The following HECA variants were observed in gnomAD, a reference collection of about 807,000 sequenced individuals.
HECA encodes headcase protein homolog.
A neutral mutation model predicts 37.6 loss-of-function variants in HECA; 13 were observed. That is an observed-to-expected ratio of 0.35 (90% CI 0.23 to 0.55). The LOEUF is 0.55. HECA is among the 20% of genes least tolerant of loss of function. HECA has a pLI of 0.90. For missense variants in HECA, 527 were observed against 701.9 expected, an observed-to-expected ratio of 0.75 and a Z score of 2.82; for synonymous variants, 307 against 291.5, an observed-to-expected ratio of 1.05 and a Z score of -0.54.
In HECA at chr6:139,176,562, C is replaced by T. The variant is rs986531120; in HGVS notation, c.1468-379C>T. On this transcript the variant is annotated intron_variant, in intron 3 of 3. Coordinates refer to ENST00000367658, the MANE Select transcript of HECA (RefSeq NM_016217.3). This position sits in a 1 kb window ranked among gnomAD's most constrained non-coding sequence, Gnocchi z 4.5. ...AATTTTATTTTTACATCAAAGAAAA[C>T]GCAACTTTTCTATAGAGTAGAATGA... is the stretch of plus-strand genomic sequence containing the variant. 4.6e-5 allele frequency among the ~76,000 whole-genome samples: 7 copies of T among 152,032 alleles called. No homozygotes were observed. Among genetic ancestry groups the T allele is most frequent in the Admixed American group, 6.5e-5 (1 of 15,272 alleles).
At chr6:139,174,954 A>G (rs1775031150) in intron 3 of HECA, among the ~76,000 whole-genome samples, 2 of 152,300 alleles carry the variant, frequency 1.3e-5, no homozygotes, top group African/African-American at 4.8e-5. Context: ...TTTCTAATAG[A>G]AAAAATGTTA....
intron 1 of HECA, chr6:139,144,110 C>T (rs1403955434): frequency 2.0e-5 from 3 of 152,196 alleles, no homozygotes; most frequent in African/African-American, 7.2e-5. Context: ...GGATCCTTCC[C>T]TCTCTCCAGG....
chr6:139,167,330 G>A lies in HECA; in HGVS notation c.1312+6G>A, dbSNP rs1774905715. The A allele has an allele frequency of 6.4e-7, 1 of 1,560,296 alleles. No homozygotes were observed. The highest frequency in any genetic ancestry group is 8.8e-7 in the Non-Finnish European group (1 of 1,139,910). ...TGTTCCTTGTCACCTTCAAGGTATA[G>A]GTGTTAATTCACCTTGCCTGCTTTC... On this transcript the variant is annotated splice_donor_region_variant and intron_variant, in intron 2 of 3. Transcript: ENST00000367658.
At position 139,150,050 on chromosome 6, in the gene HECA, C is replaced by G. The variant is rs543620407; in HGVS notation, c.271+14383C>G. On this transcript the variant is annotated intron_variant, in intron 1 of 3. Transcript: ENST00000367658. ...CTCACATAGTTTATATTTTGATTCA[C>G]TTCAGGCTTTTCTGCTTTCTCCTCT... is the stretch of plus-strand genomic sequence containing the variant. Among the ~76,000 whole-genome samples the G allele has an allele frequency of 3.0e-4, 45 of 152,332 alleles. 1 individual carries two copies. The Middle Eastern group carries it at 0.02, about 69-fold the overall frequency.
rs543053351 is a variant in HECA, at chr6:139,143,885, A to G, written c.271+8218A>G. Among the ~76,000 whole-genome samples the G allele has an allele frequency of 2.2e-3, 326 of 151,600 alleles. 1 individual carries two copies. Among genetic ancestry groups the G allele is most frequent in the Non-Finnish European group, 3.9e-3 (263 of 67,888 alleles). On this transcript the variant is annotated intron_variant, in intron 1 of 3. Coordinates refer to ENST00000367658, the MANE Select transcript of HECA (RefSeq NM_016217.3). ...AAAAAAAAAAAAAAAAAAAGAAAGA[A>G]AGAAATGCAAGTAAGTTATTCCATG...
chr6:139,162,304 G>A (rs1242665539), intron 1 of HECA, among the ~76,000 whole-genome samples: 1 of 152,116 alleles, frequency 6.6e-6, no homozygotes, highest in Non-Finnish European at 1.5e-5. Flanking sequence ...CAGTAGGAGT[G>A]GGGAGGAAGT....
At chr6:139,165,584 CT>C (rs796323871) in intron 1 of HECA, among the ~76,000 whole-genome samples, 395 of 138,168 alleles carry the variant, frequency 2.9e-3, no homozygotes, top group South Asian at 6.2e-3. Context: ...GTGGCAACCA[CT>C]TTTTTTTTTT....
chr6:139,138,620 TAAATAA>T (rs1335552726), intron 1 of HECA, among the ~76,000 whole-genome samples: 1 of 152,190 alleles, frequency 6.6e-6, no homozygotes, highest in Non-Finnish European at 1.5e-5. Flanking sequence ...CAAGTGGGCA[TAAATAA>T]ATACTTATTC....
At chr6:139,164,369 T>A (rs1316426652) in intron 1 of HECA, among the ~76,000 whole-genome samples, 1 of 149,518 alleles carries the variant, frequency 6.7e-6, no homozygotes, top group Admixed American at 6.7e-5. Context: ...TTATGAACAT[T>A]GGGGGTATCA....
At chr6:139,135,743 G>C (rs1054991268) in intron 1 of HECA, 76 bp downstream of exon 1, 1 of 604,364 alleles carries the variant, frequency 1.7e-6, no homozygotes, top group African/African-American at 2.0e-5. Context: ...CCTGGGTGGC[G>C]CGGGCGGTGC....
chr6:139,165,347 C>T (rs1338302416), intron 1 of HECA, among the ~76,000 whole-genome samples: 1 of 152,140 alleles, frequency 6.6e-6, no homozygotes, highest in African/African-American at 2.4e-5. Context: ...CCTCCAGCCT[C>T]CCCCACTGTG....
At chr6:139,137,956 G>C (rs1774470817) in intron 1 of HECA, among the ~76,000 whole-genome samples, 1 of 152,118 alleles carries the variant, frequency 6.6e-6, no homozygotes, top group Non-Finnish European at 1.5e-5. Context: ...ACTTATATTA[G>C]AGGAGTGAGC....
rs898220125 is a variant in HECA, at chr6:139,178,249, CAT to C, written c.*1152_*1153del. 6.6e-6 allele frequency: 1 copy of C among 152,140 alleles called. No individual in the cohort carries two copies. Among genetic ancestry groups the C allele is most frequent in the African/African-American group, 2.4e-5 (1 of 41,404 alleles). The allele number at this position is 152,140 out of a possible 1,614,324, so 9.4% of individuals were successfully genotyped here. On this transcript the variant is annotated 3_prime_UTR_variant, in exon 4 of 4. Transcript: ENST00000367658. Reference sequence around the variant, plus strand: ...CTTACTGTTGATGAAAAAGGATGATCATATATATAGAACTTGATTAGTCAGAG... The same window carrying C: ...CTTACTGTTGATGAAAAAGGATGATCATATATAGAACTTGATTAGTCAGAG...
At position 139,135,482 on chromosome 6, in the gene HECA, C is replaced by A; in HGVS notation, c.86C>A (p.Ala29Asp). 8.1e-7 allele frequency: 1 copy of A among 1,227,116 alleles called. No homozygotes were observed. The highest frequency in any genetic ancestry group is 1.0e-6 in the Non-Finnish European group (1 of 960,054). 76.0% of individuals were successfully genotyped at this position (1,227,116 alleles called of 1,614,324 possible). ...SGDEQENGAG[A>D]LAAAGAAGAA... ...GACGAGCAGGAAAATGGAGCCGGGG[C>A]CCTGGCAGCGGCGGGCGCGGCGGGA... The change falls in exon 1 of 4, where the codon GCC becomes GAC. Residue 29 changes from alanine (A) to aspartate (D), a missense_variant. Coordinates refer to ENST00000367658, the MANE Select transcript of HECA (RefSeq NM_016217.3).
Position 139,180,282 on chromosome 6 carries a change from A to T in HECA, c.*3177A>T, listed in dbSNP as rs1378195263. The T allele has an allele frequency of 6.6e-6, 1 of 152,500 alleles. No homozygotes were observed. Among genetic ancestry groups the T allele is most frequent in the Non-Finnish European group, 1.5e-5 (1 of 68,036 alleles). The allele number at this position is 152,500 out of a possible 1,614,324, so 9.4% of individuals were successfully genotyped here. A position where few individuals can be genotyped will look rare whatever the true frequency, so the allele number is the denominator to read the frequency against. On this transcript the variant is annotated 3_prime_UTR_variant, in exon 4 of 4. Transcript: ENST00000367658. ...GGTATTTGAACTCTAAAACTAACAG[A>T]TAAGACAGATATGTACCTTATTAGA...
In HECA at chr6:139,135,577, G is replaced by A. The variant is rs907320253; in HGVS notation, c.181G>A (p.Gly61Arg). The change falls in exon 1 of 4, where the codon GGA (glycine) becomes AGA (arginine). Residue 61 changes from glycine (G) to arginine (R), a missense_variant. By Grantham distance (125) the Gly-to-Arg change is moderately radical. Transcript: ENST00000367658. ...GAAAAGAPGA[G>R]GAAGAGGAGT... ...GGCGGCGGCGGGCGCGCCGGGCGCC[G>A]GAGGCGCGGCGGGCGCCGGAGGCGC... 3 of 947,876 alleles carry A rather than the reference G, an allele frequency of 3.2e-6. No individual in the cohort carries two copies. Among genetic ancestry groups the A allele is most frequent in the Non-Finnish European group, 3.8e-6 (3 of 799,956 alleles). 58.7% of individuals were successfully genotyped at this position (947,876 alleles called of 1,614,324 possible). A position where few individuals can be genotyped will look rare whatever the true frequency, so the allele number is the denominator to read the frequency against.
chr6:139,142,248 G>T (rs1774523042), intron 1 of HECA, among the ~76,000 whole-genome samples: 1 of 151,914 alleles, frequency 6.6e-6, no homozygotes, highest in Admixed American at 6.6e-5. Context: ...CCTTCTAAAG[G>T]CTCCACCTCA....
intron 3 of HECA, among the ~76,000 whole-genome samples, chr6:139,174,777 A>G (rs1775028998): frequency 6.6e-6 from 1 of 152,224 alleles, no homozygotes; most frequent in Admixed American, 6.5e-5. Context: ...AGAACAGGTT[A>G]TAAAATGGTA....
At chr6:139,175,514 C>T (rs1276868174) in intron 3 of HECA, among the ~76,000 whole-genome samples, 2 of 152,072 alleles carry the variant, frequency 1.3e-5, no homozygotes, top group African/African-American at 4.8e-5. Context: ...GAAGTGGCTC[C>T]CCTCTGCACA....
Sources: gnomAD v4.1 joint callset for allele counts (sites outside exome capture counted in the v4.1 genomes callset) on GRCh38, gnomAD v4.1.1 for gene constraint, Gnocchi (gnomAD v3.1) non-coding constraint, MANE v1.5 for transcripts, NCBI Gene and HGNC (gene_info 2026-07-23, HGNC 2026-07-21) for gene names.